The following KLK13 variants were observed in gnomAD, a reference collection of about 807,000 sequenced individuals.
KLK13 encodes kallikrein-13.
KLK13 carries 19 observed loss-of-function variants against 22.4 expected under a neutral mutation model. The observed-to-expected ratio is 0.85, with a 90% confidence interval of 0.59 to 1.24. The LOEUF (loss-of-function observed/expected upper bound fraction) is 1.24, where lower values mean the gene tolerates loss of function less well. Ranked by LOEUF, KLK13 falls within the 50% of genes most tolerant of loss-of-function variation. The pLI is 0.00. For synonymous variants in KLK13, 156 were observed against 141.8 expected (o/e 1.10, Z -0.71); for missense variants, 311 against 347.9 (o/e 0.89, Z 0.84).
chr19:51,062,900 G>T (rs2091743255), intron 1 of KLK13, among the ~76,000 whole-genome samples: 1 of 152,186 alleles, frequency 6.6e-6, no homozygotes, highest in South Asian at 2.1e-4. Context: ...AGGGCAAGCA[G>T]TTGGATTAGC....
chr19:51,060,036 C>A lies in KLK13; in HGVS notation c.297G>T (p.Gln99His), dbSNP rs1312445396. The A allele has an allele frequency of 3.1e-6, 5 of 1,613,720 alleles. No individual in the cohort carries two copies. The highest frequency in any genetic ancestry group is 2.7e-5 in the African/African-American group (2 of 74,874). Residue 99 changes from glutamine to histidine, a missense_variant, in exon 3 of 5, where the codon CAG (glutamine) becomes CAT (histidine). By Grantham distance (24) the Gln-to-His change is conservative. Transcript: ENST00000595793. The stretch of plus-strand genomic sequence containing the variant: ...GGATAGAGTGGACAACTTCCCTCAC[C>A]TGCTCACCAGCTTCCACACGCCCTA... ...HALGRVEAGE[Q>H]VREVVHSIPH...
At chr19:51,064,008 G>A (rs866448514) in intron 1 of KLK13, 1 of 361,202 alleles carries the variant, frequency 2.8e-6, no homozygotes, top group Non-Finnish European at 5.5e-6. Flanking sequence ...TTTAATAGCT[G>A]TTTGTTGAAT....
rs147268256 is a variant in KLK13, at chr19:51,059,905, AG to A, written c.427del (p.Leu143CysfsTer9). On this transcript the variant is annotated frameshift_variant, in exon 3 of 5. Transcript: ENST00000595793. LOFTEE classifies it high-confidence loss of function. Reference sequence around the variant, plus strand: ...TAGGCGGTTGTTGTGGGAAAGGGGCAGGGTTTGGATGTAGCCTGTGAGCTGG... The same window carrying A: ...TAGGCGGTTGTTGTGGGAAAGGGGCAGGTTTGGATGTAGCCTGTGAGCTGG... ...PVQLTGYIQTLPLSHNNRLTP... is the reference protein window; with the variant it reads ...PVQLTGYIQTXPLSHNNRLTP... The A allele has an allele frequency of 6.2e-7, 1 of 1,605,840 alleles. No individual in the cohort carries two copies. Among genetic ancestry groups the A allele is most frequent in the Non-Finnish European group, 8.5e-7 (1 of 1,175,762 alleles).
intron 1 of KLK13, among the ~76,000 whole-genome samples, chr19:51,061,425 T>C (rs1482149954): frequency 4.6e-5 from 7 of 152,260 alleles, no homozygotes; most frequent in African/African-American, 1.7e-4. Context: ...TTGATTTGGA[T>C]GCCTTACAGG....
In KLK13 at chr19:51,056,608, T is replaced by A; in HGVS notation, c.813A>T (p.Lys271Asn). ...ACTTTTATTGTGGGCCCTTCAACCA[T>A]TTTTGCTGCTGGGTTTCATATTTTC... Reference protein sequence around the residue: ...TIRKYETQQQKWLKGPQ With the variant: ...TIRKYETQQQNWLKGPQ The change falls in exon 5 of 5, where the codon AAA (lysine) becomes AAT (asparagine). Residue 271 changes from lysine to asparagine, a missense_variant. Lys to Asn is a moderately conservative substitution (Grantham distance 94). Transcript: ENST00000595793. 1 of 1,614,098 alleles carries A rather than the reference T, an allele frequency of 6.2e-7. No homozygotes were observed. Among genetic ancestry groups the A allele is most frequent in the Non-Finnish European group, 8.5e-7 (1 of 1,180,004 alleles).
chr19:51,056,831 G>A, intron 4 of KLK13, 56 bp from the exon 5 acceptor site: 3 of 1,380,118 alleles, frequency 2.2e-6, no homozygotes, highest in Admixed American at 1.8e-5. Flanking sequence ...GCTAAACAAG[G>A]CAGGGACAGG....
At chr19:51,057,522 C>T (rs563956563) in intron 4 of KLK13, among the ~76,000 whole-genome samples, 10 of 152,132 alleles carry the variant, frequency 6.6e-5, no homozygotes, top group Non-Finnish European at 1.0e-4. Context: ...GGCTGGAGTG[C>T]AGTGGCATGA....
chr19:51,059,122 A>G (rs913670586), intron 3 of KLK13, among the ~76,000 whole-genome samples: 3 of 152,108 alleles, frequency 2.0e-5, no homozygotes. Flanking sequence ...AGATACAAAC[A>G]TGAGGCTGGG....
intron 1 of KLK13, chr19:51,064,571 C>T (rs1279567677): frequency 2.0e-6 from 1 of 502,332 alleles, no homozygotes; most frequent in Non-Finnish European, 4.0e-6. Context: ...CTTCTACCTG[C>T]GACATACTGA....
At chr19:51,059,626 G>A (rs190928929) in intron 3 of KLK13, 199 bp downstream of exon 3, 3,070 of 299,144 alleles carry the variant, frequency 0.01, 23 homozygotes, top group Non-Finnish European at 0.015. Flanking sequence ...ATATATTCAT[G>A]AATTTATATA....
At chr19:51,058,931 A>C (rs1375138066) in intron 3 of KLK13, among the ~76,000 whole-genome samples, 1 of 152,034 alleles carries the variant, frequency 6.6e-6, no homozygotes, top group African/African-American at 2.4e-5. Context: ...AGAGAATGGA[A>C]GGTTGATAAG....
At chr19:51,064,138 G>T (rs2091755170) in intron 1 of KLK13, among the ~76,000 whole-genome samples, 1 of 152,032 alleles carries the variant, frequency 6.6e-6, no homozygotes, top group Admixed American at 6.5e-5. Flanking sequence ...ATAGGTTTGG[G>T]GTCAACCCAA....
intron 1 of KLK13, among the ~76,000 whole-genome samples, chr19:51,064,188 A>C (rs967135148): frequency 2.0e-5 from 3 of 152,082 alleles, no homozygotes; most frequent in Non-Finnish European, 4.4e-5. Flanking sequence ...GAAGGGGCTG[A>C]GTATGAAGAC....
At chr19:51,058,754 G>T in intron 3 of KLK13, 80 bp from the exon 4 acceptor site, 1 of 1,371,058 alleles carries the variant, frequency 7.3e-7, no homozygotes. Flanking sequence ...GAGTTGAATG[G>T]GTAAAGAGTA....
At chr19:51,065,658 G>A (rs2091775588), upstream of KLK13, among the ~76,000 whole-genome samples, 2 of 151,996 alleles carry the variant, frequency 1.3e-5, no homozygotes. Flanking sequence ...GGCCCACGAG[G>A]AGCGTCAGCC....
rs543966604 is a variant in KLK13, at chr19:51,056,570, G to A, written c.*17C>T. 1.1e-5 allele frequency: 18 copies of A among 1,612,790 alleles called. No homozygotes were observed. Among genetic ancestry groups the A allele is most frequent in the African/African-American group, 1.3e-5 (1 of 75,028 alleles). Reference sequence around the variant, plus strand: ...AAGTCATGGTGACAGGATGGAAGCCGGTACATTTCTCAACTTTTATTGTGG... The same window carrying A: ...AAGTCATGGTGACAGGATGGAAGCCAGTACATTTCTCAACTTTTATTGTGG... On this transcript the variant is annotated 3_prime_UTR_variant, in exon 5 of 5. Coordinates refer to ENST00000595793, the MANE Select transcript of KLK13 (RefSeq NM_015596.3).
intron 1 of KLK13, chr19:51,064,591 G>A (rs1321891881): frequency 2.0e-6 from 1 of 511,458 alleles, no homozygotes; most frequent in Non-Finnish European, 3.9e-6. Context: ...AAGGCTCGAC[G>A]CATTACCTCG....
intron 1 of KLK13, among the ~76,000 whole-genome samples, chr19:51,062,873 C>T (rs1363934831): frequency 6.6e-6 from 1 of 152,152 alleles, no homozygotes; most frequent in African/African-American, 2.4e-5. Context: ...GCCTCCCTAG[C>T]TAGTTTCCCC....
rs1398312549 is a variant in KLK13, at chr19:51,055,685, A to G, written c.*902T>C. Among the ~76,000 whole-genome samples the G allele has an allele frequency of 1.3e-5, 2 of 152,108 alleles. No homozygotes were observed. The highest frequency in any genetic ancestry group is 1.9e-4 in the East Asian group (1 of 5,198). On this transcript the variant is annotated 3_prime_UTR_variant, in exon 5 of 5. Coordinates refer to ENST00000595793, the MANE Select transcript of KLK13 (RefSeq NM_015596.3). The stretch of plus-strand genomic sequence containing the variant: ...ATGTTACAATTAAAAAAAATTATGA[A>G]CCCATTTTACAGATGAGAAAGCACA...
Sources: gnomAD v4.1 joint callset for allele counts (sites outside exome capture counted in the v4.1 genomes callset) on GRCh38, gnomAD v4.1.1 for gene constraint, MANE v1.5 for transcripts, NCBI Gene and HGNC (gene_info 2026-07-23, HGNC 2026-07-21) for gene names.